Variants in CCDC102B observed in about 807,000 individuals in gnomAD.
CCDC102B encodes coiled-coil domain containing 102B.
In CCDC102B, 75 loss-of-function variants were observed where a neutral mutation model predicts 57.4. The observed-to-expected ratio is 1.31, with a 90% confidence interval of 1.08 to 1.58. The LOEUF (loss-of-function observed/expected upper bound fraction) is 1.58, where lower values mean the gene tolerates loss of function less well. CCDC102B is among the 40% of genes most tolerant of loss of function. The probability of loss-of-function intolerance (pLI) is 0.00; values close to 1 mark genes in which losing one functional copy is unlikely to be tolerated. For synonymous variants in CCDC102B, 206 were observed against 201.9 expected, an observed-to-expected ratio of 1.02 and a Z score of -0.17; for missense variants, 636 against 582.6, an observed-to-expected ratio of 1.09 and a Z score of -0.94.
chr18:68,750,417 A>G (rs979721652), intron 2 of CCDC102B, among the ~76,000 whole-genome samples: 8 of 152,198 alleles, frequency 5.3e-5, no homozygotes, highest in Non-Finnish European at 1.0e-4. Flanking sequence ...TAGAAATACG[A>G]TTTGACCCAG....
At chr18:68,725,741 T>C (rs2032563904) in intron 2 of CCDC102B, among the ~76,000 whole-genome samples, 1 of 152,358 alleles carries the variant, frequency 6.6e-6, no homozygotes, top group African/African-American at 2.4e-5. Context: ...TATCTTAAAG[T>C]CACCTGGTTA....
At chr18:68,970,213 AG>A (rs2050265788) in intron 6 of CCDC102B, among the ~76,000 whole-genome samples, 1 of 152,084 alleles carries the variant, frequency 6.6e-6, no homozygotes, top group South Asian at 2.1e-4. Context: ...AAATCTTTAA[AG>A]CACACTTCTT....
At chr18:69,022,211 A>ATATATATATATG (rs1253934445) in intron 7 of CCDC102B, among the ~76,000 whole-genome samples, 66 of 37,006 alleles carry the variant, frequency 1.8e-3, no homozygotes, top group African/African-American at 3.7e-3. Context: ...ATATATATAT[A>ATATATATATATG]TATATATATA....
chr18:68,920,933 G>A (rs1301265156), intron 6 of CCDC102B, among the ~76,000 whole-genome samples: 1 of 152,092 alleles, frequency 6.6e-6, no homozygotes, highest in African/African-American at 2.4e-5. Flanking sequence ...CAGCAGGGCT[G>A]GTTTCCTTTT....
chr18:68,993,964 T>C (rs1469434278), intron 6 of CCDC102B, among the ~76,000 whole-genome samples: 1 of 152,188 alleles, frequency 6.6e-6, no homozygotes, highest in East Asian at 1.9e-4. Context: ...TCTATATAAA[T>C]ATCAAGACCT....
chr18:68,942,828 G>C (rs12957016), intron 6 of CCDC102B, among the ~76,000 whole-genome samples: 82,911 of 145,030 alleles, frequency 0.57, 25,461 homozygotes, highest in Non-Finnish European at 0.67. Context: ...ACAGGTGTCG[G>C]GCTGGGGTAC....
intron 4 of CCDC102B, among the ~76,000 whole-genome samples, chr18:68,854,784 A>G (rs1008618175): frequency 6.6e-6 from 1 of 152,218 alleles, no homozygotes; most frequent in Non-Finnish European, 1.5e-5. Flanking sequence ...TAATGGGAGT[A>G]GATAAAGAAC....
At chr18:69,057,616 C>T (rs143894748), downstream of CCDC102B, among the ~76,000 whole-genome samples, 21 of 152,092 alleles carry the variant, frequency 1.4e-4, no homozygotes, top group African/African-American at 4.1e-4. Flanking sequence ...GTTATAGGGA[C>T]GTTCCAGATT....
At chr18:68,816,161 T>A (rs2036465408) in intron 1 of CCDC102B, among the ~76,000 whole-genome samples, 1 of 152,232 alleles carries the variant, frequency 6.6e-6, no homozygotes, top group African/African-American at 2.4e-5. Context: ...GTACTAGTAA[T>A]CAGGAATGTG....
intron 6 of CCDC102B, among the ~76,000 whole-genome samples, chr18:69,009,970 C>T (rs1264824762): frequency 2.1e-5 from 1 of 47,872 alleles, no homozygotes; most frequent in African/African-American, 4.9e-5. Flanking sequence ...CTTGCTCTGT[C>T]GCCCGGGCTG....
At chr18:68,982,369 C>A (rs1298322811) in intron 6 of CCDC102B, among the ~76,000 whole-genome samples, 1 of 151,888 alleles carries the variant, frequency 6.6e-6, no homozygotes, top group Non-Finnish European at 1.5e-5. Context: ...CCCCACTCTA[C>A]CCTTAACTAT....
chr18:68,959,119 C>A (rs2049982388), intron 6 of CCDC102B, among the ~76,000 whole-genome samples: 1 of 152,016 alleles, frequency 6.6e-6, no homozygotes, highest in African/African-American at 2.4e-5. Context: ...GCAGTCTGTA[C>A]TTTTTTTGTA....
At chr18:68,858,296 T>G (rs1483985762) in intron 4 of CCDC102B, among the ~76,000 whole-genome samples, 1 of 152,182 alleles carries the variant, frequency 6.6e-6, no homozygotes, top group African/African-American at 2.4e-5. Context: ...GCACATCAAA[T>G]TGTCTTTTTT....
At chr18:69,047,789 A>G (rs1305671748) in intron 7 of CCDC102B, among the ~76,000 whole-genome samples, 1 of 152,090 alleles carries the variant, frequency 6.6e-6, no homozygotes. Context: ...CATTCACAAT[A>G]GCCCCCAAAA....
intron 4 of CCDC102B, among the ~76,000 whole-genome samples, chr18:68,856,881 A>G (rs1014690284): frequency 1.3e-5 from 2 of 149,942 alleles, no homozygotes; most frequent in South Asian, 2.1e-4. Context: ...ATATATACAC[A>G]TATGTTGTGT....
chr18:69,055,812 G>A (rs2052806681), downstream of CCDC102B, among the ~76,000 whole-genome samples: 1 of 152,018 alleles, frequency 6.6e-6, no homozygotes, highest in African/African-American at 2.4e-5. Flanking sequence ...AACACATAAA[G>A]GGGAAAATGG....
intron 1 of CCDC102B, among the ~76,000 whole-genome samples, chr18:68,806,344 C>G (rs900367627): frequency 2.6e-5 from 4 of 152,016 alleles, no homozygotes; most frequent in Non-Finnish European, 5.9e-5. Flanking sequence ...ATTATTGCAA[C>G]ATCACCTCTT....
chr18:68,958,468 T>C (rs1022607549), intron 6 of CCDC102B, among the ~76,000 whole-genome samples: 11 of 152,168 alleles, frequency 7.2e-5, no homozygotes, highest in Non-Finnish European at 8.8e-5. Context: ...TAATGAATGT[T>C]TTTTTAGATG....
intron 1 of CCDC102B, among the ~76,000 whole-genome samples, chr18:68,827,636 G>A (rs2036958341): frequency 6.6e-6 from 1 of 151,992 alleles, no homozygotes; most frequent in Non-Finnish European, 1.5e-5. Flanking sequence ...GCAGATATAA[G>A]TTCTAACACA....
Sources: allele counts gnomAD v4.1 joint callset (sites outside exome capture counted in the v4.1 genomes callset), GRCh38; gene constraint gnomAD v4.1.1; transcripts MANE v1.5; gene names NCBI Gene and HGNC (gene_info 2026-07-23, HGNC 2026-07-21).